COL5A1: variants seen among roughly 807,000 people sequenced by gnomAD.
COL5A1 encodes the protein collagen type V alpha 1 chain.
Under a neutral mutation model 263.7 loss-of-function variants are expected in COL5A1, and 16 were observed. The ratio of observed to expected loss-of-function variants is 0.06; its 90% CI spans 0.04 to 0.09. COL5A1 has a LOEUF of 0.09. COL5A1 is among the 10% of genes least tolerant of loss of function. The pLI, the probability that COL5A1 is intolerant of heterozygous loss-of-function variation, is 1.00. For synonymous variants in COL5A1, 1,012 were observed against 1,004.5 expected, an observed-to-expected ratio of 1.01 and a Z score of -0.14; for missense variants, 2,036 against 2,540.5, an observed-to-expected ratio of 0.80 and a Z score of 4.27.
intron 1 of COL5A1, among the ~76,000 whole-genome samples, chr9:134,674,717 C>G (rs146798631): frequency 1.3e-5 from 2 of 152,222 alleles, no homozygotes; most frequent in Admixed American, 6.5e-5. Context: ...AAAACCCTGT[C>G]TCTACGAAAA....
intron 11 of COL5A1, among the ~76,000 whole-genome samples, chr9:134,739,426 C>T (rs1835221717): frequency 6.6e-6 from 1 of 152,220 alleles, no homozygotes; most frequent in African/African-American, 2.4e-5. Flanking sequence ...AGAACTGATT[C>T]CTGGACAGCT....
In COL5A1 at chr9:134,818,716, C is replaced by T. The variant is rs1338137972; in HGVS notation, c.4291C>T (p.Pro1431Ser). 1 of 1,611,136 alleles carries T rather than the reference C, an allele frequency of 6.2e-7. No individual in the cohort carries two copies. The highest frequency in any genetic ancestry group is 1.7e-5 in the Admixed American group (1 of 59,816). Residue 1431 changes from proline (P) to serine (S), a missense_variant, in exon 55 of 66, where the codon CCT becomes TCT. Coordinates refer to ENST00000371817, the MANE Select transcript of COL5A1 (RefSeq NM_000093.5). The surrounding 1 kb of genome is among the most constrained non-coding windows in gnomAD (Gnocchi z 6.0). The stretch of plus-strand genomic sequence containing the variant: ...TGGCCCCATCGGCCCCCAGGGGGCC[C>T]CTGGGAAGCCCGGACCGGATGGCCT... ...KTGPIGPQGA[P>S]GKPGPDGLRG...
rs1837593351 is a variant in COL5A1, at chr9:134,789,422, G to A, written c.2700+214G>A. On this transcript the variant is annotated intron_variant, in intron 32 of 65. Transcript: ENST00000371817. This position sits in a 1 kb window ranked among gnomAD's most constrained non-coding sequence, Gnocchi z 4.8. ...GGCAGGTATGTGATAGGAAGGGGCA[G>A]AGGCAGGAAGGAAGTGTGCTGAGAA... 6.6e-6 allele frequency among the ~76,000 whole-genome samples: 1 copy of A among 152,240 alleles called. No homozygotes were observed. Among genetic ancestry groups the A allele is most frequent in the Non-Finnish European group, 1.5e-5 (1 of 68,038 alleles).
chr9:134,747,896 C>T (rs548290650), intron 11 of COL5A1, among the ~76,000 whole-genome samples: 1 of 148,148 alleles, frequency 6.8e-6, no homozygotes, highest in East Asian at 2.0e-4. Context: ...TGCATTCATA[C>T]ACACATGCAG....
chr9:134,672,865 A>T (rs1832576876), intron 1 of COL5A1, among the ~76,000 whole-genome samples: 1 of 152,244 alleles, frequency 6.6e-6, no homozygotes, highest in South Asian at 2.1e-4. Flanking sequence ...GTATTTCTAG[A>T]TACTAGCAAT....
chr9:134,756,298 C>T (rs1835970912), intron 16 of COL5A1, among the ~76,000 whole-genome samples: 2 of 152,204 alleles, frequency 1.3e-5, no homozygotes, highest in South Asian at 4.1e-4. Flanking sequence ...TGGGCCTCTT[C>T]CTTAGCCAAG....
chr9:134,656,182 C>T lies in COL5A1; in HGVS notation c.109+13886C>T, dbSNP rs994581716. 5.9e-5 allele frequency among the ~76,000 whole-genome samples: 9 copies of T among 152,258 alleles called. No individual in the cohort carries two copies. The East Asian group carries it at 1.4e-3, about 23-fold the overall frequency. On this transcript the variant is annotated intron_variant, in intron 1 of 65. Coordinates refer to ENST00000371817, the MANE Select transcript of COL5A1 (RefSeq NM_000093.5). ...GAGGGTCTGAGGTGGAGCCTGGGGC[C>T]TGCGGCTCCTCGTCCTGCCCGCCCA...
At chr9:134,834,886 G>A in intron 64 of COL5A1, 85 bp from the exon 65 acceptor site, 2 of 976,652 alleles carry the variant, frequency 2.0e-6, no homozygotes, top group East Asian at 2.6e-5. Flanking sequence ...CACAGTGTGA[G>A]TGAAGCCCAG....
rs1832811874 is a variant in COL5A1 at position 134,680,149 on chromosome 9, A to G, written c.110-10763A>G. 6.6e-6 allele frequency among the ~76,000 whole-genome samples: 1 copy of G among 152,182 alleles called. No homozygotes were observed. ...CCTTTGGACGGGCCCTTCATTCTTC[A>G]GCAAGGAATGATGAGCTGGGAGCCA... On this transcript the variant is annotated intron_variant, in intron 1 of 65. Coordinates refer to ENST00000371817, the MANE Select transcript of COL5A1 (RefSeq NM_000093.5). The surrounding 1 kb of genome is among the most constrained non-coding windows in gnomAD (Gnocchi z 5.9).
chr9:134,811,395 G>T lies in COL5A1; in HGVS notation c.3582+3G>T. The T allele has an allele frequency of 6.2e-7, 1 of 1,614,052 alleles. No homozygotes were observed. The highest frequency in any genetic ancestry group is 8.5e-7 in the Non-Finnish European group (1 of 1,179,988). On this transcript the variant is annotated splice_donor_region_variant and intron_variant, in intron 45 of 65. Transcript: ENST00000371817. Reference sequence around the variant, plus strand: ...CCATCGGACAGCCAGGCCCCTCTGTGAGTATCCATGGTCAATGACCTTCGA... The same window carrying T: ...CCATCGGACAGCCAGGCCCCTCTGTTAGTATCCATGGTCAATGACCTTCGA...
chr9:134,685,894 TCCAGCCA>T (rs1833059689), intron 1 of COL5A1, among the ~76,000 whole-genome samples: 2 of 146,096 alleles, frequency 1.4e-5, no homozygotes, highest in African/African-American at 5.1e-5. Flanking sequence ...CACCCACCCA[TCCAGCCA>T]CCATCCATCC....
At chr9:134,646,135 G>A (rs1831467309) in intron 1 of COL5A1, among the ~76,000 whole-genome samples, 1 of 152,158 alleles carries the variant, frequency 6.6e-6, no homozygotes, top group Middle Eastern at 3.2e-3. Flanking sequence ...GACCCTGAAG[G>A]CTTTTGCCTT....
At chr9:134,703,912 T>C (rs1833759401) in intron 4 of COL5A1, among the ~76,000 whole-genome samples, 1 of 152,132 alleles carries the variant, frequency 6.6e-6, no homozygotes, top group East Asian at 1.9e-4. Flanking sequence ...GTGCTGGGAT[T>C]GCAGGCGTGA....
intron 24 of COL5A1, 42 bp downstream of exon 24, chr9:134,767,396 C>T (rs1217002836): frequency 1.9e-6 from 3 of 1,595,562 alleles, no homozygotes; most frequent in South Asian, 2.2e-5. Context: ...TGCCCGCCTG[C>T]AGGTGGATTC....
At chr9:134,808,306 T>G (rs1169116814) in intron 42 of COL5A1, among the ~76,000 whole-genome samples, 1 of 152,046 alleles carries the variant, frequency 6.6e-6, no homozygotes, top group Non-Finnish European at 1.5e-5. Flanking sequence ...AGTGAGAAAA[T>G]ATAGGCTGCT....
chr9:134,815,672 C>T, intron 51 of COL5A1, 43 bp downstream of exon 51: 1 of 1,599,582 alleles, frequency 6.3e-7, no homozygotes. Context: ...CCCCACAGTG[C>T]TGGCCTGCCT....
chr9:134,718,530 G>T (rs1834348440), intron 4 of COL5A1, among the ~76,000 whole-genome samples: 1 of 152,250 alleles, frequency 6.6e-6, no homozygotes, highest in Admixed American at 6.5e-5. Flanking sequence ...CAGGGGCTCA[G>T]CCCGGGAAGC....
chr9:134,705,174 T>C (rs4842147), intron 4 of COL5A1, among the ~76,000 whole-genome samples: 75,990 of 152,080 alleles, frequency 0.5, 19,357 homozygotes, highest in Admixed American at 0.64. Flanking sequence ...GGGGTGTCTG[T>C]GGCCCCACAG....
chr9:134,795,327 G>C lies in COL5A1; in HGVS notation c.2799+12G>C. ...AGCCTGGCCCCAAGGTATGTTTTTG[G>C]CCTCCTGGGCGGTGGGCGGCGTGAA... On this transcript the variant is annotated intron_variant, in intron 34 of 65. Transcript: ENST00000371817. The C allele has an allele frequency of 1.2e-6, 2 of 1,613,370 alleles. No individual in the cohort carries two copies. The highest frequency in any genetic ancestry group is 1.7e-6 in the Non-Finnish European group (2 of 1,179,848).
Sources: allele counts gnomAD v4.1 joint callset (sites outside exome capture counted in the v4.1 genomes callset), GRCh38; gene constraint gnomAD v4.1.1; non-coding constraint Gnocchi (gnomAD v3.1); transcripts MANE v1.5; gene names NCBI Gene and HGNC (gene_info 2026-07-23, HGNC 2026-07-21).